The following PTPRD variants were observed in gnomAD, a reference collection of about 807,000 sequenced individuals.
PTPRD encodes receptor-type tyrosine-protein phosphatase delta.
PTPRD carries 34 observed loss-of-function variants against 214.5 expected under a neutral mutation model. That is an observed-to-expected ratio of 0.16 (90% CI 0.12 to 0.21). The LOEUF (loss-of-function observed/expected upper bound fraction) is 0.21. Ranked by LOEUF, PTPRD falls within the 10% of genes least tolerant of loss-of-function variation. The probability of loss-of-function intolerance (pLI) is 1.00; values close to 1 mark genes in which losing one functional copy is unlikely to be tolerated. For missense variants in PTPRD, 2,545 were observed against 2,398.7 expected (o/e 1.06, Z -1.27); for synonymous variants, 1,128 against 845.7 (o/e 1.33, Z -5.79).
chr9:10,111,790 A>C (rs1206366911), intron 3 of PTPRD, among the ~76,000 whole-genome samples: 4 of 152,186 alleles, frequency 2.6e-5, no homozygotes, highest in Non-Finnish European at 5.9e-5. Flanking sequence ...TTTCACTGCT[A>C]CTTCTTAGCT....
rs749737629 is a variant in PTPRD at position 8,486,317 on chromosome 9, T to C, written c.2500A>G (p.Thr834Ala). The C allele has an allele frequency of 1.7e-5, 28 of 1,614,090 alleles. No individual in the cohort carries two copies. Among genetic ancestry groups the C allele is most frequent in the South Asian group, 5.5e-5 (5 of 91,076 alleles). The change falls in exon 28 of 46, where the codon ACT becomes GCT. Residue 834 changes from threonine (T) to alanine (A), a missense_variant. Thr to Ala is a moderately conservative substitution (Grantham distance 58). Transcript: ENST00000381196. The part of the protein sequence containing the change: ...PGKPRLVINH[T>A]QMNTALIQWH... Reference sequence around the variant, plus strand: ...TGAATAAGAGCAGTATTCATCTGAGTGTGGTTAATCACAAGCCGAGGTTTC... The same window carrying C: ...TGAATAAGAGCAGTATTCATCTGAGCGTGGTTAATCACAAGCCGAGGTTTC...
At chr9:8,571,484 C>T (rs970460619) in intron 14 of PTPRD, among the ~76,000 whole-genome samples, 1 of 152,078 alleles carries the variant, frequency 6.6e-6, no homozygotes, top group East Asian at 1.9e-4. Flanking sequence ...GACAATTTGG[C>T]TGATAATATC....
intron 2 of PTPRD, among the ~76,000 whole-genome samples, chr9:10,523,599 C>CTTTATATATATATATATATA (rs1590037917): frequency 5.1e-4 from 2 of 3,922 alleles, no homozygotes; most frequent in Non-Finnish European, 7.3e-4. Context: ...GTATATTTAT[C>CTTTATATATATATATATATA]TGTATATATA....
intron 3 of PTPRD, among the ~76,000 whole-genome samples, chr9:10,201,894 G>C (rs925258196): frequency 1.4e-5 from 2 of 144,902 alleles, no homozygotes; most frequent in African/African-American, 5.6e-5. Context: ...ACAATTTTCA[G>C]TAAACTTTTT....
chr9:8,959,134 C>A (rs1324773116), intron 11 of PTPRD, among the ~76,000 whole-genome samples: 1 of 152,036 alleles, frequency 6.6e-6, no homozygotes, highest in African/African-American at 2.4e-5. Context: ...GGCTTTAACA[C>A]AGGAATGCCT....
At chr9:8,737,808 G>A (rs887498699) in intron 11 of PTPRD, among the ~76,000 whole-genome samples, 5 of 152,024 alleles carry the variant, frequency 3.3e-5, no homozygotes, top group African/African-American at 7.2e-5. Context: ...GCGCCACCAC[G>A]CCTGGCTAAT....
At chr9:8,748,296 T>A (rs2093076085) in intron 11 of PTPRD, among the ~76,000 whole-genome samples, 1 of 151,874 alleles carries the variant, frequency 6.6e-6, no homozygotes, top group African/African-American at 2.4e-5. Context: ...GCTTGCAACT[T>A]AGCTCACACC....
rs540834732 is a variant in PTPRD at position 10,319,157 on chromosome 9, T to C, written c.-545+21806A>G. On this transcript the variant is annotated intron_variant, in intron 3 of 45. Transcript: ENST00000381196. ...CCAGCATAAGCTACTTATTATATGATGATTCAAAAGGATGGGCAGGGGACA... is the reference window on the plus strand; with the variant it reads ...CCAGCATAAGCTACTTATTATATGACGATTCAAAAGGATGGGCAGGGGACA... Among the ~76,000 whole-genome samples, 9 of 152,178 alleles carry C rather than the reference T, an allele frequency of 5.9e-5. No homozygotes were observed. The East Asian group carries it at 9.7e-4, about 16-fold the overall frequency.
intron 3 of PTPRD, among the ~76,000 whole-genome samples, chr9:10,097,469 A>G (rs1167019011): frequency 3.3e-5 from 5 of 150,874 alleles, no homozygotes; most frequent in African/African-American, 7.3e-5. Context: ...TTGTAAGTTG[A>G]ATTCCTAGGT....
Position 8,703,160 on chromosome 9 carries a change from G to C in PTPRD, c.64+30620C>G, listed in dbSNP as rs142449891. On this transcript the variant is annotated intron_variant, in intron 12 of 45. Transcript: ENST00000381196. ...AATAGTGAATCTGGAAATCTATTTA[G>C]ACTTCCTCTCCAGACCAAATATGCA... 3.8e-3 allele frequency among the ~76,000 whole-genome samples: 578 copies of C among 152,294 alleles called. 1 individual carries two copies. Among genetic ancestry groups the C allele is most frequent in the Middle Eastern group, 0.01 (3 of 294 alleles).
chr9:10,378,608 C>G (rs2097770242), intron 2 of PTPRD, among the ~76,000 whole-genome samples: 1 of 151,898 alleles, frequency 6.6e-6, no homozygotes, highest in Non-Finnish European at 1.5e-5. Context: ...GAACCTATAT[C>G]AAAAATGAGT....
At chr9:9,680,111 G>A (rs925000574) in intron 7 of PTPRD, among the ~76,000 whole-genome samples, 1 of 151,822 alleles carries the variant, frequency 6.6e-6, no homozygotes, top group Non-Finnish European at 1.5e-5. Context: ...ACTCTTGACA[G>A]TTATATGTCT....
intron 14 of PTPRD, among the ~76,000 whole-genome samples, chr9:8,549,423 C>A (rs971447741): frequency 3.9e-5 from 6 of 152,134 alleles, no homozygotes; most frequent in African/African-American, 1.4e-4. Context: ...CAGCTGGAAT[C>A]ATGCAGATGG....
At chr9:10,598,415 T>G (rs1039650463) in intron 2 of PTPRD, among the ~76,000 whole-genome samples, 1 of 151,710 alleles carries the variant, frequency 6.6e-6, no homozygotes, top group East Asian at 1.9e-4. Context: ...AGGGACATAA[T>G]GGTAAAGATA....
intron 9 of PTPRD, among the ~76,000 whole-genome samples, chr9:9,327,587 T>C (rs1014384610): frequency 2.0e-5 from 3 of 152,146 alleles, no homozygotes; most frequent in Non-Finnish European, 2.9e-5. Flanking sequence ...TAATAACATC[T>C]TGTATTCACT....
Position 10,538,316 on chromosome 9 carries a change from C to G in PTPRD, c.-600+74082G>C, listed in dbSNP as rs191619052. ...TAAATAAAAAGGGAGAGGAGTGGTT[C>G]TGTAAAGAAAGAGATGATGAAGAAA... On this transcript the variant is annotated intron_variant, in intron 2 of 45. Transcript: ENST00000381196. Among the ~76,000 whole-genome samples, 198 of 151,068 alleles carry G rather than the reference C, an allele frequency of 1.3e-3. 1 individual carries two copies. The highest frequency in any genetic ancestry group is 4.3e-3 in the African/African-American group (178 of 41,244).
Position 8,982,613 on chromosome 9 carries a change from T to A in PTPRD, c.-104+36084A>T, listed in dbSNP as rs139797614. ...GAAAAAAAAATAAAAAACTCCACAA[T>A]CATCATCTTATAAATTTGTTTTTAT... On this transcript the variant is annotated intron_variant, in intron 11 of 45. Transcript: ENST00000381196. Among the ~76,000 whole-genome samples, 437 of 151,372 alleles carry A rather than the reference T, an allele frequency of 2.9e-3. 2 individuals are homozygous for A. The highest frequency in any genetic ancestry group is 0.01 in the African/African-American group (421 of 41,314).
chr9:9,725,503 G>T (rs2098071435), intron 7 of PTPRD, among the ~76,000 whole-genome samples: 1 of 152,030 alleles, frequency 6.6e-6, no homozygotes, highest in Admixed American at 6.6e-5. Context: ...AAGAGAAAAG[G>T]CACTGAAGCT....
intron 11 of PTPRD, among the ~76,000 whole-genome samples, chr9:8,905,416 A>T (rs59834115): frequency 0.15 from 23,189 of 151,866 alleles, 2,007 homozygotes; most frequent in East Asian, 0.29. Context: ...TGCAAAAAAG[A>T]TGAGGACTAT....
Sources: allele counts gnomAD v4.1 joint callset (sites outside exome capture counted in the v4.1 genomes callset), GRCh38; gene constraint gnomAD v4.1.1; transcripts MANE v1.5; gene names NCBI Gene and HGNC (gene_info 2026-07-23, HGNC 2026-07-21).